Variants in KPNA4 observed in about 807,000 individuals in gnomAD.
The protein encoded by KPNA4 is importin subunit alpha-3.
Under a neutral mutation model 71.3 loss-of-function variants are expected in KPNA4, and 13 were observed. The observed-to-expected ratio is 0.18, with a 90% CI of 0.12 to 0.29. The LOEUF (loss-of-function observed/expected upper bound fraction) is 0.29. Ranked by LOEUF, KPNA4 falls within the 10% of genes least tolerant of loss-of-function variation. The pLI is 1.00. For synonymous variants in KPNA4, 189 were observed against 195.2 expected (o/e 0.97, Z 0.26); for missense variants, 334 against 603.2 (o/e 0.55, Z 4.67).
chr3:160,533,714 G>A (rs1721617966), intron 5 of KPNA4, among the ~76,000 whole-genome samples: 1 of 152,138 alleles, frequency 6.6e-6, no homozygotes, highest in African/African-American at 2.4e-5. Context: ...CAATACCAGT[G>A]TAAACATTAA....
intron 8 of KPNA4, among the ~76,000 whole-genome samples, chr3:160,527,186 C>A (rs1220670802): frequency 1.1e-4 from 17 of 152,170 alleles, no homozygotes; most frequent in Admixed American, 1.1e-3. Flanking sequence ...TACCTCAGCC[C>A]CCACTCATAA....
rs532799593 is a variant in KPNA4, at chr3:160,528,734, G to A, written c.470-695C>T. Among the ~76,000 whole-genome samples the A allele has an allele frequency of 5.9e-5, 9 of 151,576 alleles. No individual in the cohort carries two copies. In the East Asian group the frequency reaches 1.7e-3, roughly 29 times the overall value. On this transcript the variant is annotated intron_variant, in intron 7 of 16. Transcript: ENST00000334256. ...TCTTTAAGACAGGCCAGTGATTCCT[G>A]GGCCATGTGGGATCTTCCGAATCAG...
chr3:160,526,290 TAAGG>T (rs1721459560), intron 8 of KPNA4, among the ~76,000 whole-genome samples, 183 bp from the exon 9 acceptor site: 1 of 152,222 alleles, frequency 6.6e-6, no homozygotes, highest in Non-Finnish European at 1.5e-5. Flanking sequence ...CATAAAGTGA[TAAGG>T]TATTCTTTTG....
chr3:160,514,056 C>T (rs771691228), intron 13 of KPNA4, 21 bp downstream of exon 13: 3 of 1,365,734 alleles, frequency 2.2e-6, no homozygotes, highest in Non-Finnish European at 3.0e-6. Context: ...ATAAATGATA[C>T]ATATAACATG....
intron 1 of KPNA4, among the ~76,000 whole-genome samples, chr3:160,548,594 C>T (rs940674998): frequency 1.3e-5 from 2 of 152,106 alleles, no homozygotes; most frequent in African/African-American, 4.8e-5. Flanking sequence ...TGGCATAATG[C>T]TTATGGTTCA....
chr3:160,543,275 G>T (rs1270006392), intron 1 of KPNA4, among the ~76,000 whole-genome samples: 2 of 152,028 alleles, frequency 1.3e-5, no homozygotes, highest in Non-Finnish European at 2.9e-5. Flanking sequence ...ACCTTTACGG[G>T]TATTAATTCC....
chr3:160,517,106 T>C (rs915339223), intron 11 of KPNA4, among the ~76,000 whole-genome samples: 1 of 152,022 alleles, frequency 6.6e-6, no homozygotes, highest in Non-Finnish European at 1.5e-5. Context: ...AACACCTGTA[T>C]CCATTAGTGA....
At chr3:160,504,439 T>G (rs1447271274) in intron 16 of KPNA4, among the ~76,000 whole-genome samples, 1 of 152,228 alleles carries the variant, frequency 6.6e-6, no homozygotes, top group Non-Finnish European at 1.5e-5. Context: ...AAGTTAATAC[T>G]TTAATTTCCA....
chr3:160,499,670 ACC>A lies in KPNA4; in HGVS notation c.*2432_*2433del, dbSNP rs546010619. On this transcript the variant is annotated 3_prime_UTR_variant, in exon 17 of 17. Coordinates refer to ENST00000334256, the MANE Select transcript of KPNA4 (RefSeq NM_002268.5). ...CCTTATACCCAGAGATATTAATATC[ACC>A]CTTACCTATTTTCCATATCACTGTT... 3 of 152,124 alleles carry A rather than the reference ACC, an allele frequency of 2.0e-5. No homozygotes were observed. Among genetic ancestry groups the A allele is most frequent in the Non-Finnish European group, 4.4e-5 (3 of 67,990 alleles). The allele number at this position is 152,124 out of a possible 1,614,324, so 9.4% of individuals were successfully genotyped here. A position where few individuals can be genotyped will look rare whatever the true frequency, so the allele number is the denominator to read the frequency against.
At chr3:160,525,575 C>G (rs189926018) in intron 10 of KPNA4, among the ~76,000 whole-genome samples, 3 of 151,982 alleles carry the variant, frequency 2.0e-5, no homozygotes, top group Non-Finnish European at 4.4e-5. Flanking sequence ...AACAGTTATG[C>G]TTGATTTCTT....
chr3:160,515,290 A>T, intron 12 of KPNA4, 162 bp downstream of exon 12: 1 of 740,714 alleles, frequency 1.4e-6, no homozygotes, highest in Non-Finnish European at 2.2e-6. Context: ...AAAAATTATT[A>T]ATGCTTGTTA....
In KPNA4 at chr3:160,536,809, A is replaced by G; in HGVS notation, c.101T>C (p.Val34Ala). The G allele has an allele frequency of 6.3e-7, 1 of 1,583,598 alleles. No homozygotes were observed. Among genetic ancestry groups the G allele is most frequent in the Non-Finnish European group, 8.7e-7 (1 of 1,155,718 alleles). Residue 34 changes from valine to alanine, a missense_variant, in exon 2 of 17, where the codon GTT (valine) becomes GCT (alanine). Val to Ala is a moderately conservative substitution (Grantham distance 64, BLOSUM62 0). Transcript: ENST00000334256. Reference sequence around the variant, plus strand: ...AATCAGACTCACCTTCCTTAATTCAACTACAACTTCATTTCGTTGTCTTCT... The same window carrying G: ...AATCAGACTCACCTTCCTTAATTCAGCTACAACTTCATTTCGTTGTCTTCT... ...TMRRQRNEVV[V>A]ELRKNKRDEH...
chr3:160,528,551 C>T (rs970303957), intron 7 of KPNA4, among the ~76,000 whole-genome samples: 3 of 151,698 alleles, frequency 2.0e-5, no homozygotes, highest in African/African-American at 4.9e-5. Context: ...TTTTTAGTAG[C>T]GACAGGGTTT....
Position 160,535,900 on chromosome 3 carries a change from TAAAAAAAAAAAA to T in KPNA4, c.115-15_115-4del. The T allele has an allele frequency of 1.5e-5, 5 of 324,050 alleles. No homozygotes were observed. The highest frequency in any genetic ancestry group is 7.2e-5 in the East Asian group (1 of 13,892). 20.1% of individuals were successfully genotyped at this position (324,050 alleles called of 1,614,324 possible). A position where few individuals can be genotyped will look rare whatever the true frequency, so the allele number is the denominator to read the frequency against. On this transcript the variant is annotated splice_polypyrimidine_tract_variant and splice_region_variant and intron_variant, in intron 2 of 16. Coordinates refer to ENST00000334256, the MANE Select transcript of KPNA4 (RefSeq NM_002268.5). ...AAGAGATGTTCATCTCTTTTATTCT[TAAAAAAAAAAAA>T]AAAAAAAAAAAAACCAAACAGAGAA...
At chr3:160,546,914 G>T (rs1480370778) in intron 1 of KPNA4, among the ~76,000 whole-genome samples, 2 of 152,156 alleles carry the variant, frequency 1.3e-5, no homozygotes, top group Admixed American at 1.3e-4. Context: ...TCTCAAAATG[G>T]AAATGAAACT....
chr3:160,513,260 T>G (rs1358626068), intron 13 of KPNA4, among the ~76,000 whole-genome samples: 2 of 142,866 alleles, frequency 1.4e-5, no homozygotes, highest in East Asian at 4.0e-4. Context: ...TTTTTTTTTT[T>G]TTTTTTTTTT....
intron 11 of KPNA4, among the ~76,000 whole-genome samples, chr3:160,520,787 A>T (rs1721332288): frequency 6.6e-6 from 1 of 152,218 alleles, no homozygotes; most frequent in African/African-American, 2.4e-5. Context: ...ATAATGACTT[A>T]GGCTACAGAC....
At position 160,503,691 on chromosome 3, in the gene KPNA4, G is replaced by T. The variant is rs553965559; in HGVS notation, c.1467+1267C>A. Among the ~76,000 whole-genome samples the T allele has an allele frequency of 4.6e-5, 7 of 152,266 alleles. No individual in the cohort carries two copies. The East Asian group carries it at 1.2e-3, about 25-fold the overall frequency. ...TCAAGAACGAAAACTACATGTTGAG[G>T]TATTAGAAATTATGAGGCTATTACA... On this transcript the variant is annotated intron_variant, in intron 16 of 16. Coordinates refer to ENST00000334256, the MANE Select transcript of KPNA4 (RefSeq NM_002268.5).
intron 10 of KPNA4, among the ~76,000 whole-genome samples, chr3:160,524,690 A>C (rs1721427007): frequency 6.6e-6 from 1 of 152,198 alleles, no homozygotes; most frequent in East Asian, 1.9e-4. Flanking sequence ...CAATTTAATC[A>C]AAGAACTTGG....
Sources: gnomAD v4.1 joint callset for allele counts (sites outside exome capture counted in the v4.1 genomes callset) on GRCh38, gnomAD v4.1.1 for gene constraint, MANE v1.5 for transcripts, NCBI Gene and HGNC (gene_info 2026-07-23, HGNC 2026-07-21) for gene names.